LPP: variants seen among roughly 807,000 people sequenced by gnomAD.
LPP encodes the protein LIM domain containing preferred translocation partner in lipoma.
In LPP, 38 loss-of-function variants were observed where a neutral mutation model predicts 60.4. That is an observed-to-expected ratio of 0.63 (90% CI 0.49 to 0.83). The LOEUF is 0.83. LPP is among the 40% of genes least tolerant of loss of function. The pLI is 0.00. For synonymous variants in LPP, 328 were observed against 290.8 expected (o/e 1.13, Z -1.30); for missense variants, 902 against 783.6 (o/e 1.15, Z -1.80).
chr3:188,186,814 A>G (rs1726743862), intron 1 of LPP, among the ~76,000 whole-genome samples: 3 of 152,034 alleles, frequency 2.0e-5, no homozygotes, highest in Non-Finnish European at 1.5e-5. Flanking sequence ...TTGAGTTACT[A>G]GTTTTAGATA....
At chr3:188,833,963 TC>T (rs756282007) in intron 9 of LPP, among the ~76,000 whole-genome samples, 8 of 152,218 alleles carry the variant, frequency 5.3e-5, no homozygotes, top group Non-Finnish European at 1.2e-4. Flanking sequence ...TATTAAAGCA[TC>T]CCCATTTTAT....
chr3:188,358,005 T>C (rs976996791), intron 3 of LPP, among the ~76,000 whole-genome samples: 2 of 152,048 alleles, frequency 1.3e-5, no homozygotes, highest in African/African-American at 2.4e-5. Flanking sequence ...AAGATTGACA[T>C]ATTGAAGGAA....
At chr3:188,764,994 T>C (rs1269274702) in intron 9 of LPP, among the ~76,000 whole-genome samples, 1 of 152,198 alleles carries the variant, frequency 6.6e-6, no homozygotes, top group African/African-American at 2.4e-5. Context: ...AGCAGCCTTT[T>C]GCTCCCTTAT....
chr3:188,289,393 C>A (rs62291420), intron 2 of LPP, among the ~76,000 whole-genome samples: 3,375 of 152,278 alleles, frequency 0.022, 58 homozygotes, highest in Middle Eastern at 0.037. Flanking sequence ...TATGTTACAT[C>A]ATTGAAATTT....
At chr3:188,221,890 C>T (rs190633258) in intron 1 of LPP, among the ~76,000 whole-genome samples, 253 of 152,256 alleles carry the variant, frequency 1.7e-3, no homozygotes, top group African/African-American at 5.9e-3. Context: ...GAAGAACTGT[C>T]CATATTATAG....
chr3:188,556,034 G>C (rs1490172421), intron 6 of LPP, among the ~76,000 whole-genome samples: 2 of 152,128 alleles, frequency 1.3e-5, no homozygotes, highest in African/African-American at 4.8e-5. Flanking sequence ...TGAAAAATGT[G>C]CTTCAAGAGT....
intron 2 of LPP, among the ~76,000 whole-genome samples, chr3:188,240,751 G>C (rs539320983): frequency 3.3e-5 from 5 of 152,232 alleles, no homozygotes; most frequent in East Asian, 1.9e-4. Flanking sequence ...GGTGGGAGGA[G>C]CATGGCAAGG....
chr3:188,441,962 A>G (rs1195343651), intron 4 of LPP, among the ~76,000 whole-genome samples: 2 of 152,030 alleles, frequency 1.3e-5, no homozygotes, highest in Non-Finnish European at 2.9e-5. Context: ...ATGTGTGTAA[A>G]AGAACATATA....
chr3:188,853,225 A>G (rs1378784452), intron 9 of LPP, among the ~76,000 whole-genome samples: 2 of 152,108 alleles, frequency 1.3e-5, no homozygotes, highest in Non-Finnish European at 2.9e-5. Flanking sequence ...GCAGTTGCAT[A>G]GGTTCTCCCA....
intron 5 of LPP, among the ~76,000 whole-genome samples, chr3:188,507,752 A>G (rs1319676545): frequency 1.3e-5 from 2 of 152,184 alleles, no homozygotes; most frequent in Admixed American, 6.5e-5. Context: ...CAACTACCAG[A>G]TCGTTGCCCC....
At chr3:188,596,266 C>T (rs1217194077) in intron 6 of LPP, among the ~76,000 whole-genome samples, 1 of 152,102 alleles carries the variant, frequency 6.6e-6, no homozygotes, top group African/African-American at 2.4e-5. Flanking sequence ...AGTAATTTTG[C>T]TGCAGTTAGT....
At chr3:188,756,318 C>T (rs1730223167) in intron 8 of LPP, among the ~76,000 whole-genome samples, 1 of 152,150 alleles carries the variant, frequency 6.6e-6, no homozygotes, top group South Asian at 2.1e-4. Flanking sequence ...GGCTGCCGGC[C>T]CTCTGTCATC....
intron 3 of LPP, among the ~76,000 whole-genome samples, chr3:188,401,308 T>C (rs1323626203): frequency 1.3e-5 from 2 of 152,230 alleles, no homozygotes; most frequent in Admixed American, 1.3e-4. Context: ...CCCCTAACTG[T>C]TCTCCCTGAA....
At chr3:188,478,268 C>T (rs776257812) in intron 4 of LPP, among the ~76,000 whole-genome samples, 2 of 152,158 alleles carry the variant, frequency 1.3e-5, no homozygotes, top group African/African-American at 4.8e-5. Flanking sequence ...GTACTAATCA[C>T]TTGCACGTAA....
At chr3:188,546,624 C>T (rs1010323513) in intron 6 of LPP, among the ~76,000 whole-genome samples, 7 of 151,976 alleles carry the variant, frequency 4.6e-5, no homozygotes, top group African/African-American at 9.7e-5. Flanking sequence ...GAGTAAGTAA[C>T]GATATTTTTA....
intron 8 of LPP, among the ~76,000 whole-genome samples, chr3:188,714,206 T>C (rs1178956270): frequency 6.6e-6 from 1 of 152,186 alleles, no homozygotes; most frequent in African/African-American, 2.4e-5. Context: ...CAGAAAGGTA[T>C]ATAAATGCTG....
intron 5 of LPP, among the ~76,000 whole-genome samples, chr3:188,491,096 C>T (rs1373028848): frequency 2.0e-5 from 3 of 152,130 alleles, no homozygotes; most frequent in African/African-American, 4.8e-5. Context: ...CCATGTAGGA[C>T]TATCATGGTC....
chr3:188,399,964 T>C (rs1430496952), intron 3 of LPP, among the ~76,000 whole-genome samples: 2 of 152,236 alleles, frequency 1.3e-5, no homozygotes, highest in Non-Finnish European at 2.9e-5. Context: ...GTATTAATTG[T>C]CAGTTTGCCT....
intron 4 of LPP, among the ~76,000 whole-genome samples, chr3:188,466,091 G>A (rs554099819): frequency 3.0e-4 from 45 of 152,222 alleles, no homozygotes; most frequent in African/African-American, 9.9e-4. Context: ...AGACTGCCTG[G>A]TGACTACTCA....
Sources: allele counts gnomAD v4.1 joint callset (sites outside exome capture counted in the v4.1 genomes callset), GRCh38; gene constraint gnomAD v4.1.1; transcripts MANE v1.5; gene names NCBI Gene and HGNC (gene_info 2026-07-23, HGNC 2026-07-21).